The following MAP2 variants were observed in gnomAD, a reference collection of about 807,000 sequenced individuals.
MAP2 encodes the protein microtubule-associated protein 2.
MAP2 carries 14 observed loss-of-function variants against 137.6 expected under a neutral mutation model. The ratio of observed to expected loss-of-function variants is 0.10; its 90% CI spans 0.07 to 0.16. MAP2 has a LOEUF of 0.16. Among genes scored for constraint, MAP2 ranks in the 10% least tolerant of loss-of-function variants. The pLI, the probability that MAP2 is intolerant of heterozygous loss-of-function variation, is 1.00. For missense variants in MAP2, 2,088 were observed against 2,191.5 expected (o/e 0.95, Z 0.94); for synonymous variants, 786 against 782.3 (o/e 1.00, Z -0.08).
At chr2:209,488,572 A>G (rs2058680016) in intron 1 of MAP2, among the ~76,000 whole-genome samples, 1 of 152,124 alleles carries the variant, frequency 6.6e-6, no homozygotes, top group African/African-American at 2.4e-5. Context: ...GCAGTCTGAA[A>G]TCAACCTGGG....
At position 209,695,313 on chromosome 2, in the gene MAP2, T is replaced by A; in HGVS notation, c.3143T>A (p.Val1048Asp). 6.2e-7 allele frequency: 1 copy of A among 1,613,968 alleles called. No individual in the cohort carries two copies. The highest frequency in any genetic ancestry group is 8.5e-7 in the Non-Finnish European group (1 of 1,179,994). The change falls in exon 8 of 16, where the codon GTT becomes GAT. Residue 1048 changes from valine (V) to aspartate (D), a missense_variant. Val to Asp is a radical substitution (Grantham distance 152). Coordinates refer to ENST00000682079, the MANE Select transcript of MAP2 (RefSeq NM_001375505.1). Reference protein sequence around the residue: ...LDFAVQGQLDVKISDFGQMAS... With the variant: ...LDFAVQGQLDDKISDFGQMAS... ...TTTGCTGTCCAGGGTCAACTAGATG[T>A]TAAAATTAGTGACTTTGGACAGATG...
At chr2:209,562,561 G>A (rs1559323347) in intron 2 of MAP2, among the ~76,000 whole-genome samples, 1 of 152,086 alleles carries the variant, frequency 6.6e-6, no homozygotes, top group Non-Finnish European at 1.5e-5. Context: ...GCCAGGTGTG[G>A]TGATGTGCAC....
intron 2 of MAP2, among the ~76,000 whole-genome samples, chr2:209,552,699 A>G (rs917521272): frequency 1.3e-5 from 2 of 151,860 alleles, no homozygotes; most frequent in African/African-American, 2.4e-5. Flanking sequence ...CATCTCTACT[A>G]AAAATACAAA....
intron 1 of MAP2, among the ~76,000 whole-genome samples, chr2:209,486,637 T>C (rs1355629363): frequency 1.3e-5 from 2 of 152,218 alleles, no homozygotes; most frequent in African/African-American, 2.4e-5. Context: ...AAGATGAAAT[T>C]GGTCAGATCA....
intron 4 of MAP2, among the ~76,000 whole-genome samples, chr2:209,644,056 A>G (rs1205099154): frequency 1.3e-5 from 2 of 152,298 alleles, no homozygotes; most frequent in East Asian, 3.9e-4. Context: ...GAGTCACCCT[A>G]TTGAGCTTGT....
At chr2:209,485,781 GAATTTGTC>G (rs2058306437) in intron 1 of MAP2, among the ~76,000 whole-genome samples, 1 of 152,200 alleles carries the variant, frequency 6.6e-6, no homozygotes, top group East Asian at 1.9e-4. Flanking sequence ...AAATTCACAT[GAATTTGTC>G]ATTTGCACTT....
At chr2:209,586,874 T>C (rs2077873843) in intron 3 of MAP2, among the ~76,000 whole-genome samples, 1 of 152,210 alleles carries the variant, frequency 6.6e-6, no homozygotes, top group South Asian at 2.1e-4. Flanking sequence ...TGAGCAAGTC[T>C]GAAGTGAGCT....
intron 3 of MAP2, among the ~76,000 whole-genome samples, chr2:209,584,893 G>A (rs964465988): frequency 2.0e-5 from 3 of 151,930 alleles, no homozygotes; most frequent in African/African-American, 7.3e-5. Context: ...ACTGAAAAAA[G>A]CAAAGGGAGA....
At chr2:209,561,932 T>C (rs1455488516) in intron 2 of MAP2, among the ~76,000 whole-genome samples, 1 of 152,170 alleles carries the variant, frequency 6.6e-6, no homozygotes, top group Non-Finnish European at 1.5e-5. Context: ...AATATAATGA[T>C]ATAGTTCTCC....
intron 1 of MAP2, among the ~76,000 whole-genome samples, chr2:209,430,055 C>G (rs1302202405): frequency 6.6e-6 from 1 of 151,450 alleles, no homozygotes; most frequent in African/African-American, 2.4e-5. Context: ...TAATAGGCTG[C>G]CTATTTTTTA....
intron 1 of MAP2, among the ~76,000 whole-genome samples, chr2:209,434,839 A>C (rs199899649): frequency 0.23 from 26,323 of 114,496 alleles, 4,014 homozygotes; most frequent in African/African-American, 0.36. Context: ...CTCTCTATAT[A>C]TATATATATG....
At chr2:209,495,225 AG>A (rs1201825365) in intron 1 of MAP2, among the ~76,000 whole-genome samples, 1 of 152,216 alleles carries the variant, frequency 6.6e-6, no homozygotes. Flanking sequence ...CCGGCGACAG[AG>A]CACCTGGGGG....
At chr2:209,607,622 A>G (rs937890894) in intron 3 of MAP2, among the ~76,000 whole-genome samples, 9 of 152,126 alleles carry the variant, frequency 5.9e-5, no homozygotes, top group African/African-American at 2.2e-4. Context: ...TTTAATAAGG[A>G]CAAAGTTTTA....
chr2:209,599,874 A>G (rs1559384562), intron 3 of MAP2, among the ~76,000 whole-genome samples: 1 of 152,206 alleles, frequency 6.6e-6, no homozygotes, highest in Non-Finnish European at 1.5e-5. Flanking sequence ...AGGAATGATA[A>G]TAAAAAACTT....
chr2:209,500,134 C>T (rs575191795), intron 1 of MAP2, among the ~76,000 whole-genome samples: 60 of 152,276 alleles, frequency 3.9e-4, no homozygotes, highest in African/African-American at 1.4e-3. Context: ...TTAAGCACTC[C>T]CCTCTCTGAT....
At chr2:209,547,345 G>C (rs1019283190) in intron 2 of MAP2, among the ~76,000 whole-genome samples, 9 of 151,156 alleles carry the variant, frequency 6.0e-5, no homozygotes, top group South Asian at 2.1e-4. Flanking sequence ...AAATATGTTT[G>C]CTTTGCCAAA....
At chr2:209,588,714 C>A (rs2078425154) in intron 3 of MAP2, among the ~76,000 whole-genome samples, 1 of 151,990 alleles carries the variant, frequency 6.6e-6, no homozygotes, top group African/African-American at 2.4e-5. Flanking sequence ...ATTCTTCTGA[C>A]ATAGTGCCCA....
At chr2:209,654,121 C>T (rs991733580) in intron 5 of MAP2, among the ~76,000 whole-genome samples, 1 of 152,190 alleles carries the variant, frequency 6.6e-6, no homozygotes, top group South Asian at 2.1e-4. Flanking sequence ...ATCTTATCAT[C>T]TTGGGGTGCT....
intron 13 of MAP2, among the ~76,000 whole-genome samples, chr2:209,724,921 A>G (rs1438636675): frequency 1.3e-5 from 2 of 152,248 alleles, no homozygotes; most frequent in Admixed American, 1.3e-4. Flanking sequence ...GTGGAAAAGG[A>G]TAAACTAGGA....
Sources: gnomAD v4.1 joint callset for allele counts (sites outside exome capture counted in the v4.1 genomes callset) on GRCh38, gnomAD v4.1.1 for gene constraint, MANE v1.5 for transcripts, NCBI Gene and HGNC (gene_info 2026-07-23, HGNC 2026-07-21) for gene names.